The following CFAP299 variants were observed in gnomAD, a reference collection of about 807,000 sequenced individuals.
The protein encoded by CFAP299 is cilia- and flagella-associated protein 299.
Under a neutral mutation model 27.0 loss-of-function variants are expected in CFAP299, and 21 were observed. The ratio of observed to expected loss-of-function variants is 0.78; its 90% confidence interval spans 0.55 to 1.12. The LOEUF (loss-of-function observed/expected upper bound fraction) is 1.12. CFAP299 is among the 50% of genes most tolerant of loss of function. The probability of loss-of-function intolerance (pLI) is 0.00; values close to 1 mark genes in which losing one functional copy is unlikely to be tolerated. For synonymous variants in CFAP299, 104 were observed against 98.1 expected (o/e 1.06, Z -0.36); for missense variants, 310 against 276.6 (o/e 1.12, Z -0.86).
chr4:80,723,941 G>T (rs2110048202), intron 3 of CFAP299, among the ~76,000 whole-genome samples: 1 of 151,970 alleles, frequency 6.6e-6, no homozygotes, highest in South Asian at 2.1e-4. Flanking sequence ...GAAAAATGGA[G>T]ACAGGAAGAA....
Position 80,869,423 on chromosome 4 carries a change from G to C in CFAP299, c.334-570G>C, listed in dbSNP as rs115845084. ...TTAAACAATCAGAGAAGGCAATCAA[G>C]ATAAAGCTATCAGCATAATAACAAC... On this transcript the variant is annotated intron_variant, in intron 3 of 5. Transcript: ENST00000358105. Among the ~76,000 whole-genome samples, 886 of 152,274 alleles carry C rather than the reference G, an allele frequency of 5.8e-3. 7 individuals carry two copies. The highest frequency in any genetic ancestry group is 0.02 in the African/African-American group (812 of 41,546).
At chr4:80,658,359 G>T (rs568845585) in intron 3 of CFAP299, among the ~76,000 whole-genome samples, 1 of 152,106 alleles carries the variant, frequency 6.6e-6, no homozygotes, top group Non-Finnish European at 1.5e-5. Context: ...TGTGATATTG[G>T]CTGTGGGTTT....
At chr4:80,347,903 G>A (rs1208306213) in intron 1 of CFAP299, among the ~76,000 whole-genome samples, 2 of 152,148 alleles carry the variant, frequency 1.3e-5, no homozygotes, top group African/African-American at 4.8e-5. Context: ...AACCAAAACA[G>A]CATGATAATG....
chr4:80,405,015 C>T (rs946207824), intron 2 of CFAP299, among the ~76,000 whole-genome samples: 16 of 152,026 alleles, frequency 1.1e-4, no homozygotes, highest in Admixed American at 7.9e-4. Context: ...TGACATATAT[C>T]GTCAAACAAA....
Position 80,712,043 on chromosome 4 carries a change from A to G in CFAP299, c.333+128860A>G, listed in dbSNP as rs183285539. Among the ~76,000 whole-genome samples, 366 of 152,318 alleles carry G rather than the reference A, an allele frequency of 2.4e-3. 1 individual carries two copies. The highest frequency in any genetic ancestry group is 8.4e-3 in the African/African-American group (348 of 41,582). On this transcript the variant is annotated intron_variant, in intron 3 of 5. Transcript: ENST00000358105. ...CTAGGAGGCAATACTTACCTAGCTC[A>G]TGATGTACTGCCAAGTGCACGTATC...
intron 3 of CFAP299, among the ~76,000 whole-genome samples, chr4:80,652,582 ATTAAC>A (rs1170511145): frequency 6.6e-6 from 1 of 152,162 alleles, no homozygotes; most frequent in Non-Finnish European, 1.5e-5. Context: ...TATTTTAATA[ATTAAC>A]TTTAACAGTC....
At chr4:80,600,032 G>T (rs1737251464) in intron 3 of CFAP299, among the ~76,000 whole-genome samples, 1 of 151,958 alleles carries the variant, frequency 6.6e-6, no homozygotes, top group Non-Finnish European at 1.5e-5. Flanking sequence ...TAAAGTCAGG[G>T]TGTCCGAATG....
At chr4:80,495,046 C>A (rs948177549) in intron 2 of CFAP299, among the ~76,000 whole-genome samples, 1 of 152,160 alleles carries the variant, frequency 6.6e-6, no homozygotes, top group African/African-American at 2.4e-5. Context: ...AGATATATAA[C>A]CATTTCACTA....
At chr4:80,364,156 G>A (rs968676988) in intron 2 of CFAP299, among the ~76,000 whole-genome samples, 2 of 128,690 alleles carry the variant, frequency 1.6e-5, no homozygotes, top group South Asian at 2.6e-4. Flanking sequence ...AGTGTGGCTC[G>A]GCCAAGCCCT....
At chr4:80,674,856 A>T (rs973979331) in intron 3 of CFAP299, among the ~76,000 whole-genome samples, 1 of 152,148 alleles carries the variant, frequency 6.6e-6, no homozygotes, top group African/African-American at 2.4e-5. Flanking sequence ...TTCTCTTGCC[A>T]TGTTTTCAGC....
the CFAP299 span, among the ~76,000 whole-genome samples, chr4:80,329,876 A>G: frequency 6.6e-6 from 1 of 152,196 alleles, no homozygotes; most frequent in Non-Finnish European, 1.5e-5. Context: ...AGAGCTAAAT[A>G]TATTTCTCAG....
chr4:80,782,988 G>A (rs1237998286), intron 3 of CFAP299, among the ~76,000 whole-genome samples: 1 of 151,846 alleles, frequency 6.6e-6, no homozygotes, highest in African/African-American at 2.4e-5. Context: ...TTATCAGGCA[G>A]AGTAGATTAG....
chr4:80,837,267 A>G (rs1157190441), intron 3 of CFAP299, among the ~76,000 whole-genome samples: 2 of 152,052 alleles, frequency 1.3e-5, no homozygotes, highest in African/African-American at 4.8e-5. Context: ...TTATCAATTC[A>G]TTGTATTTGT....
intron 3 of CFAP299, among the ~76,000 whole-genome samples, chr4:80,767,935 A>G (rs1297441690): frequency 6.6e-6 from 1 of 152,214 alleles, no homozygotes; most frequent in Admixed American, 6.5e-5. Context: ...ATTGCCCAAT[A>G]TACTTCTTTT....
chr4:80,749,806 G>C (rs375938339), intron 3 of CFAP299, among the ~76,000 whole-genome samples: 1 of 152,132 alleles, frequency 6.6e-6, no homozygotes, highest in Non-Finnish European at 1.5e-5. Flanking sequence ...TAGTGCCTAC[G>C]CAGATTGAGA....
intron 3 of CFAP299, among the ~76,000 whole-genome samples, chr4:80,677,049 G>C (rs577396543): frequency 6.6e-6 from 1 of 151,964 alleles, no homozygotes; most frequent in East Asian, 1.9e-4. Context: ...TTGTTTATTT[G>C]AAGTTTTTCT....
Position 80,919,310 on chromosome 4 carries a change from G to A in CFAP299, c.477-25500G>A, listed in dbSNP as rs17005001. Among the ~76,000 whole-genome samples, 1,176 of 152,132 alleles carry A rather than the reference G, an allele frequency of 7.7e-3. 3 individuals carry two copies. Among genetic ancestry groups the A allele is most frequent in the Middle Eastern group, 0.014 (4 of 294 alleles). ...ATTTCAGCCTCCATATGCTTTAATAGCCACGTTGAATTAACACACAGCCCT... is the reference window on the plus strand; with the variant it reads ...ATTTCAGCCTCCATATGCTTTAATAACCACGTTGAATTAACACACAGCCCT... On this transcript the variant is annotated intron_variant, in intron 4 of 5. Transcript: ENST00000358105.
chr4:80,607,357 C>A (rs950558713), intron 3 of CFAP299, among the ~76,000 whole-genome samples: 3 of 151,952 alleles, frequency 2.0e-5, no homozygotes, highest in Non-Finnish European at 2.9e-5. Flanking sequence ...TTCTCTACTT[C>A]ATAAGGATAT....
intron 2 of CFAP299, among the ~76,000 whole-genome samples, chr4:80,440,280 G>T (rs11723594): frequency 1.3e-5 from 2 of 152,046 alleles, no homozygotes; most frequent in East Asian, 2.0e-4. Context: ...AGCAGGGCTC[G>T]ACAGACACCT....
Sources: gnomAD v4.1 joint callset for allele counts (sites outside exome capture counted in the v4.1 genomes callset) on GRCh38, gnomAD v4.1.1 for gene constraint, MANE v1.5 for transcripts, NCBI Gene and HGNC (gene_info 2026-07-23, HGNC 2026-07-21) for gene names.